The following KIF26A variants were observed in gnomAD, a reference collection of about 807,000 sequenced individuals.
The protein encoded by KIF26A is kinesin-like protein KIF26A.
In KIF26A, 74 loss-of-function variants were observed where a neutral mutation model predicts 126.0. The observed-to-expected ratio is 0.59, with a 90% CI of 0.49 to 0.71. KIF26A has a LOEUF of 0.71. Ranked by LOEUF, KIF26A falls within the 30% of genes least tolerant of loss-of-function variation. The pLI, the probability that KIF26A is intolerant of heterozygous loss-of-function variation, is 0.00. For synonymous variants in KIF26A, 1,445 were observed against 1,232.7 expected (o/e 1.17, Z -3.61); for missense variants, 2,984 against 2,763.3 (o/e 1.08, Z -1.79).
chr14:104,178,211 A>AGC (rs1566867244), intron 12 of KIF26A, among the ~76,000 whole-genome samples: 5 of 152,126 alleles, frequency 3.3e-5, no homozygotes, highest in Admixed American at 6.5e-5. Context: ...AGGCTGGGGC[A>AGC]CTGGACTCGG....
intron 1 of KIF26A, 51 bp from the exon 2 acceptor site, chr14:104,138,991 AT>A (rs988260374): frequency 8.3e-6 from 11 of 1,322,768 alleles, no homozygotes; most frequent in Admixed American, 4.2e-5. Context: ...AGGGGTCTGG[AT>A]CCGACGGACG....
chr14:104,159,790 C>T (rs1385968418), intron 4 of KIF26A, among the ~76,000 whole-genome samples: 6 of 152,074 alleles, frequency 3.9e-5, no homozygotes, highest in Non-Finnish European at 8.8e-5. Flanking sequence ...GCAGGTGGGC[C>T]CTGTCGGTGG....
rs1461469020 is a variant in KIF26A at position 104,175,623 on chromosome 14, G to A, written c.2835G>A (p.Arg945=). ...AAAAGGCTGCAGTGAGTGGAGGCAGGAGGCCACTGCCCAGCCCGGCTCCCC... is the reference window on the plus strand; with the variant it reads ...AAAAGGCTGCAGTGAGTGGAGGCAGAAGGCCACTGCCCAGCCCGGCTCCCC... The part of the protein sequence containing the change: ...VPEKAAVSGG[R]RPLPSPAPPP... The change falls in exon 12 of 15, where the codon AGG becomes AGA. Residue 945 remains arginine, a synonymous_variant. Coordinates refer to ENST00000423312, the MANE Select transcript of KIF26A (RefSeq NM_015656.2). The A allele has an allele frequency of 2.5e-6, 4 of 1,611,008 alleles. No homozygotes were observed. The South Asian group carries it at 3.3e-5, about 13-fold the overall frequency.
Position 104,179,672 on chromosome 14 carries a change from C to T in KIF26A, c.5531C>T (p.Thr1844Met), listed in dbSNP as rs868085492. Residue 1844 changes from threonine (T) to methionine (M), a missense_variant, in exon 15 of 15, where the codon ACG (threonine) becomes ATG (methionine). Thr to Met is a moderately conservative substitution (Grantham distance 81). Coordinates refer to ENST00000423312, the MANE Select transcript of KIF26A (RefSeq NM_015656.2). ...TACCTGGCGGCCCTGGAGCGAGCCA[C>T]GGCGGCCCTGGAGCAGTGCGTGAAC... Reference protein sequence around the residue: ...AEYLAALERATAALEQCVNLC... With the variant: ...AEYLAALERAMAALEQCVNLC... The T allele has an allele frequency of 1.4e-5, 21 of 1,548,180 alleles. No individual in the cohort carries two copies. Among genetic ancestry groups the T allele is most frequent in the South Asian group, 4.8e-5 (4 of 83,918 alleles).
chr14:104,175,878 C>G lies in KIF26A; in HGVS notation c.3090C>G (p.Asp1030Glu). 3 of 1,540,692 alleles carry G rather than the reference C, an allele frequency of 1.9e-6. No homozygotes were observed. Among genetic ancestry groups the G allele is most frequent in the Non-Finnish European group, 2.6e-6 (3 of 1,148,110 alleles). ...LQRPVELNGE[D>E]ELVFTVVEEL... ...GGCCAGTGGAGCTCAACGGCGAGGA[C>G]GAGCTGGTGTTCACGGTGGTGGAGG... Residue 1030 changes from aspartate (D) to glutamate (E), a missense_variant, in exon 12 of 15, where the codon GAC becomes GAG. Asp to Glu is a conservative substitution (Grantham distance 45). Transcript: ENST00000423312.
In KIF26A at chr14:104,148,942, G is replaced by A. The variant is rs1342762300; in HGVS notation, c.289-3073G>A. Among the ~76,000 whole-genome samples, 1 of 152,186 alleles carries A rather than the reference G, an allele frequency of 6.6e-6. No individual in the cohort carries two copies. The highest frequency in any genetic ancestry group is 2.4e-5 in the African/African-American group (1 of 41,438). On this transcript the variant is annotated intron_variant, in intron 2 of 14. Coordinates refer to ENST00000423312, the MANE Select transcript of KIF26A (RefSeq NM_015656.2). This position sits in a 1 kb window ranked among gnomAD's most constrained non-coding sequence, Gnocchi z 4.3. The stretch of plus-strand genomic sequence containing the variant: ...GGACAGTGTGCTGGGCCCCAGGCTG[G>A]TCCTGCAAATAGGAGGTCTCGGGTC...
chr14:104,163,369 C>T (rs780587968), intron 4 of KIF26A, among the ~76,000 whole-genome samples: 1 of 152,218 alleles, frequency 6.6e-6, no homozygotes, highest in Non-Finnish European at 1.5e-5. Flanking sequence ...GACAGACGCA[C>T]AGACACACAG....
chr14:104,150,234 C>G (rs1352537160), intron 2 of KIF26A, among the ~76,000 whole-genome samples: 1 of 145,708 alleles, frequency 6.9e-6, no homozygotes, highest in Non-Finnish European at 1.5e-5. Flanking sequence ...TCCCCCTCCT[C>G]CTTCTCTGCA....
At chr14:104,161,212 C>G (rs963847722) in intron 4 of KIF26A, among the ~76,000 whole-genome samples, 1 of 151,946 alleles carries the variant, frequency 6.6e-6, no homozygotes. Flanking sequence ...GGGTCCCCTT[C>G]GCAGGTCTGC....
chr14:104,138,985 G>C (rs986591965), intron 1 of KIF26A, 58 bp from the exon 2 acceptor site: 50 of 1,321,796 alleles, frequency 3.8e-5, no homozygotes, highest in South Asian at 1.7e-4. Context: ...GCGCGCAGGG[G>C]TCTGGATCCG....
At chr14:104,142,528 C>T (rs1566853452) in intron 2 of KIF26A, among the ~76,000 whole-genome samples, 1 of 152,180 alleles carries the variant, frequency 6.6e-6, no homozygotes, top group Non-Finnish European at 1.5e-5. Context: ...ACCCCCTGGC[C>T]TCCCTGGGCT....
intron 4 of KIF26A, among the ~76,000 whole-genome samples, chr14:104,163,727 C>T (rs982285446): frequency 2.0e-5 from 3 of 150,470 alleles, no homozygotes; most frequent in Non-Finnish European, 4.4e-5. Flanking sequence ...CCATGGGCCC[C>T]GACCCCTGCT....
intron 2 of KIF26A, 106 bp downstream of exon 2, chr14:104,139,394 GTTTCC>G: frequency 7.8e-7 from 1 of 1,287,454 alleles, no homozygotes; most frequent in Non-Finnish European, 1.0e-6. Flanking sequence ...CCCTGCTGCT[GTTTCC>G]ACAAAGAGTT....
intron 8 of KIF26A, 31 bp downstream of exon 8, chr14:104,173,270 AG>A (rs757773777): frequency 1.2e-6 from 2 of 1,601,168 alleles, no homozygotes; most frequent in Non-Finnish European, 1.7e-6. Flanking sequence ...ACCTTGGGGG[AG>A]GGGGGCTGCA....
chr14:104,166,872 C>T lies in KIF26A; in HGVS notation c.937C>T (p.Leu313Phe). 1 of 1,576,992 alleles carries T rather than the reference C, an allele frequency of 6.3e-7. No individual in the cohort carries two copies. The highest frequency in any genetic ancestry group is 8.6e-7 in the Non-Finnish European group (1 of 1,162,620). Residue 313 changes from leucine (L) to phenylalanine (F), a missense_variant, in exon 5 of 15, where the codon CTC becomes TTC. Leu to Phe is a conservative substitution (Grantham distance 22). Coordinates refer to ENST00000423312, the MANE Select transcript of KIF26A (RefSeq NM_015656.2). The stretch of plus-strand genomic sequence containing the variant: ...TCTCCTCCCCAGGGCTATGCAGAAG[C>T]TCAGCCTGGCCTCCAAGAGGAAGAA... ...ASFFIRAMQK[L>F]SLASKRKKPH...
At chr14:104,146,241 G>A (rs2037679817) in intron 2 of KIF26A, among the ~76,000 whole-genome samples, 1 of 152,214 alleles carries the variant, frequency 6.6e-6, no homozygotes, top group Non-Finnish European at 1.5e-5. Flanking sequence ...GGGGTACCTG[G>A]CAGGGGAGTG....
At position 104,139,065 on chromosome 14, in the gene KIF26A, G is replaced by A; in HGVS notation, c.65G>A (p.Arg22His). ...CAGGTGGCCGAGGGCGGCCCGGCCCGCGAGCCGCCGCCGCTGCTGGAGGTG... is the reference window on the plus strand; with the variant it reads ...CAGGTGGCCGAGGGCGGCCCGGCCCACGAGCCGCCGCCGCTGCTGGAGGTG... ...QPAVAEGGPA[R>H]EPPPLLEVSP... The change falls in exon 2 of 15, where the codon CGC (arginine) becomes CAC (histidine). Residue 22 changes from arginine (R) to histidine (H), a missense_variant. Coordinates refer to ENST00000423312, the MANE Select transcript of KIF26A (RefSeq NM_015656.2). The A allele has an allele frequency of 7.2e-7, 1 of 1,381,994 alleles. No individual in the cohort carries two copies. Among genetic ancestry groups the A allele is most frequent in the Non-Finnish European group, 9.3e-7 (1 of 1,074,964 alleles). The allele number at this position is 1,381,994 out of a possible 1,614,324, so 85.6% of individuals were successfully genotyped here. A position where few individuals can be genotyped will look rare whatever the true frequency, so the allele number is the denominator to read the frequency against.
At chr14:104,174,892 G>T in intron 11 of KIF26A, 90 bp from the exon 12 acceptor site, 1 of 1,322,102 alleles carries the variant, frequency 7.6e-7, no homozygotes, top group Non-Finnish European at 1.0e-6. Context: ...CACAGTGACC[G>T]CAGCATTGGC....
intron 2 of KIF26A, 25 bp downstream of exon 2, chr14:104,139,313 C>A: frequency 7.0e-7 from 1 of 1,437,190 alleles, no homozygotes; most frequent in Non-Finnish European, 9.2e-7. Flanking sequence ...CTTAGGCCGA[C>A]CCCTCCGAGC....
Sources: allele counts gnomAD v4.1 joint callset (sites outside exome capture counted in the v4.1 genomes callset), GRCh38; gene constraint gnomAD v4.1.1; non-coding constraint Gnocchi (gnomAD v3.1); transcripts MANE v1.5; gene names NCBI Gene and HGNC (gene_info 2026-07-23, HGNC 2026-07-21).